Variants in DIPK1C observed in about 807,000 individuals in gnomAD.
The protein encoded by DIPK1C is familial non-conventional Alzheimer's dementia.
DIPK1C carries 33 observed loss-of-function variants against 28.0 expected under a neutral mutation model. The observed-to-expected ratio is 1.18, with a 90% CI of 0.89 to 1.58. The LOEUF is 1.58. DIPK1C is among the 40% of genes most tolerant of loss of function. DIPK1C has a pLI of 0.00. For synonymous variants in DIPK1C, 255 were observed against 248.8 expected (o/e 1.02, Z -0.23); for missense variants, 569 against 568.5 (o/e 1.00, Z -0.01).
At chr18:74,439,797 G>C (rs917851817) in intron 3 of DIPK1C, among the ~76,000 whole-genome samples, 1 of 152,134 alleles carries the variant, frequency 6.6e-6, no homozygotes, top group Non-Finnish European at 1.5e-5. Flanking sequence ...TTTGGCCTGG[G>C]TGATGAAGCG....
chr18:74,435,362 C>T lies in DIPK1C; in HGVS notation c.*1139G>A, dbSNP rs1054743949. ...TTTAAGTGAAAGCTCACTGGCTTCA[C>T]CTGGCCTGTCCCCCTGCCTGTATTT... is the stretch of plus-strand genomic sequence containing the variant. On this transcript the variant is annotated 3_prime_UTR_variant, in exon 4 of 4. Transcript: ENST00000343998. The T allele has an allele frequency of 6.6e-6, 1 of 152,214 alleles. No individual in the cohort carries two copies. The highest frequency in any genetic ancestry group is 1.5e-5 in the Non-Finnish European group (1 of 68,062). 9.4% of individuals were successfully genotyped at this position (152,214 alleles called of 1,614,324 possible).
intron 2 of DIPK1C, among the ~76,000 whole-genome samples, chr18:74,444,276 A>C (rs1986211568): frequency 6.6e-6 from 1 of 152,230 alleles, no homozygotes; most frequent in South Asian, 2.1e-4. Context: ...GTTTCAGATC[A>C]TGAAGGTTCC....
upstream of DIPK1C, among the ~76,000 whole-genome samples, chr18:74,460,570 TA>T (rs1392659445): frequency 6.6e-6 from 1 of 152,216 alleles, no homozygotes; most frequent in Non-Finnish European, 1.5e-5. Flanking sequence ...GCCGTGTTAT[TA>T]AAGAGAAGAA....
At chr18:74,448,755 A>T (rs1315246688) in intron 1 of DIPK1C, among the ~76,000 whole-genome samples, 2 of 152,208 alleles carry the variant, frequency 1.3e-5, no homozygotes, top group Non-Finnish European at 2.9e-5. Flanking sequence ...CATTCCAAGC[A>T]GATTACAAGT....
rs181751721 is a variant in DIPK1C, at chr18:74,436,586, G to A, written c.1175C>T (p.Thr392Ile). 237 of 1,612,710 alleles carry A rather than the reference G, an allele frequency of 1.5e-4. 2 individuals carry two copies. The African/African-American group carries it at 2.8e-3, about 19-fold the overall frequency. ...CADPGVPSGN[T>I]RRAASSVFWK... is the part of the protein sequence containing the mutation. The stretch of plus-strand genomic sequence containing the variant: ...GAACACGCTGGAGGCTGCTCTCCGG[G>A]TGTTCCCACTGGGGACCCCAGGGTC... Residue 392 changes from threonine to isoleucine, a missense_variant, in exon 4 of 4, where the codon ACC becomes ATC. Transcript: ENST00000343998.
At chr18:74,448,196 T>G (rs1986317599) in intron 1 of DIPK1C, among the ~76,000 whole-genome samples, 1 of 152,204 alleles carries the variant, frequency 6.6e-6, no homozygotes, top group African/African-American at 2.4e-5. Flanking sequence ...CTTCTCTCTT[T>G]TGTTTTTCAG....
chr18:74,440,166 G>T (rs1033379407), intron 3 of DIPK1C, among the ~76,000 whole-genome samples: 2 of 152,054 alleles, frequency 1.3e-5, no homozygotes, highest in Admixed American at 1.3e-4. Context: ...GGATGGTCTC[G>T]ATCTCCTGAC....
chr18:74,442,530 C>T (rs539292299), intron 2 of DIPK1C, among the ~76,000 whole-genome samples: 11 of 152,228 alleles, frequency 7.2e-5, no homozygotes, highest in South Asian at 2.1e-4. Context: ...GGGGTTTCAC[C>T]GTGTTAGCCA....
chr18:74,458,263 C>T (rs567924226), upstream of DIPK1C, among the ~76,000 whole-genome samples: 1 of 152,276 alleles, frequency 6.6e-6, no homozygotes, highest in Non-Finnish European at 1.5e-5. Flanking sequence ...CCGCCACGCC[C>T]GGGGCTCCTG....
chr18:74,436,463 A>T lies in DIPK1C; in HGVS notation c.*38T>A, dbSNP rs1419994833. 4 of 1,526,050 alleles carry T rather than the reference A, an allele frequency of 2.6e-6. No individual in the cohort carries two copies. In the African/African-American group the frequency reaches 5.5e-5, roughly 21 times the overall value. 94.5% of individuals were successfully genotyped at this position (1,526,050 alleles called of 1,614,324 possible). On this transcript the variant is annotated 3_prime_UTR_variant, in exon 4 of 4. Transcript: ENST00000343998. ...TGGCAGAAGAAATCCAGCCAAGGTCACTTTTCCTGTGTGAGCATGTTTAAG... is the reference window on the plus strand; with the variant it reads ...TGGCAGAAGAAATCCAGCCAAGGTCTCTTTTCCTGTGTGAGCATGTTTAAG...
intron 3 of DIPK1C, 44 bp downstream of exon 3, chr18:74,441,908 C>T: frequency 6.3e-7 from 1 of 1,591,902 alleles, no homozygotes; most frequent in Non-Finnish European, 8.6e-7. Context: ...CAGAAACAGC[C>T]AAAGAGCACC....
upstream of DIPK1C, among the ~76,000 whole-genome samples, chr18:74,458,810 A>G (rs1287039273): frequency 6.6e-6 from 1 of 152,146 alleles, no homozygotes; most frequent in Non-Finnish European, 1.5e-5. Context: ...CATAGAAAGC[A>G]TCCTAGTAAA....
In DIPK1C at chr18:74,446,810, G is replaced by A. The variant is rs2144521536; in HGVS notation, c.672C>T (p.Phe224=). 6.7e-7 allele frequency: 1 copy of A among 1,489,014 alleles called. No individual in the cohort carries two copies. The highest frequency in any genetic ancestry group is 1.3e-5 in the South Asian group (1 of 74,632). The allele number at this position is 1,489,014 out of a possible 1,614,324, so 92.2% of individuals were successfully genotyped here. The stretch of plus-strand genomic sequence containing the variant: ...TGTGGTGGGGGCTGCCCGCGGCCAG[G>A]AACTCCACCGCGTAGAAGTGGCCGC... The part of the protein sequence containing the change: ...GSCGHFYAVE[F]LAAGSPHHRA... Residue 224 remains phenylalanine (F), a synonymous_variant, in exon 2 of 4, where the codon TTC becomes TTT. Transcript: ENST00000343998.
At chr18:74,458,172 C>T (rs115575331), upstream of DIPK1C, among the ~76,000 whole-genome samples, 192 of 152,320 alleles carry the variant, frequency 1.3e-3, 3 homozygotes, top group African/African-American at 4.4e-3. Flanking sequence ...GGATGCTTCT[C>T]ACTCCCTGAA....
the DIPK1C span, among the ~76,000 whole-genome samples, chr18:74,464,578 A>C: frequency 6.6e-6 from 1 of 152,228 alleles, no homozygotes; most frequent in Non-Finnish European, 1.5e-5. Context: ...GGTGCTCTAC[A>C]TGCTGTGAAT....
At chr18:74,449,043 A>G (rs1428506047) in intron 1 of DIPK1C, among the ~76,000 whole-genome samples, 1 of 152,142 alleles carries the variant, frequency 6.6e-6, no homozygotes, top group African/African-American at 2.4e-5. Context: ...CGGGAGGCGC[A>G]GGTTGGAGTG....
intron 1 of DIPK1C, among the ~76,000 whole-genome samples, chr18:74,448,841 G>C (rs1986333123): frequency 6.6e-6 from 1 of 152,150 alleles, no homozygotes; most frequent in South Asian, 2.1e-4. Context: ...GAGCATGGTG[G>C]CTCACCCCTG....
upstream of DIPK1C, among the ~76,000 whole-genome samples, chr18:74,461,977 G>A (rs1448598822): frequency 6.6e-6 from 1 of 152,120 alleles, no homozygotes; most frequent in Non-Finnish European, 1.5e-5. Context: ...GCCCAGTCTG[G>A]TCTCAAACTC....
intron 1 of DIPK1C, among the ~76,000 whole-genome samples, chr18:74,451,105 A>C (rs1287596268): frequency 1.3e-5 from 2 of 152,164 alleles, no homozygotes; most frequent in African/African-American, 4.8e-5. Flanking sequence ...CTCTGAGCTC[A>C]ATTTTGAAAG....
Sources: gnomAD v4.1 joint callset for allele counts (sites outside exome capture counted in the v4.1 genomes callset) on GRCh38, gnomAD v4.1.1 for gene constraint, MANE v1.5 for transcripts, NCBI Gene and HGNC (gene_info 2026-07-23, HGNC 2026-07-21) for gene names.